The following DISP1 variants were observed in gnomAD, a reference collection of about 807,000 sequenced individuals.
DISP1 encodes dispatched RND transporter family member 1, also known as protein dispatched homolog 1.
DISP1 carries 30 observed loss-of-function variants against 37.3 expected under a neutral mutation model. The observed-to-expected ratio is 0.80, with a 90% CI of 0.60 to 1.09. The LOEUF (loss-of-function observed/expected upper bound fraction) is 1.09, where lower values mean the gene tolerates loss of function less well. Ranked by LOEUF, DISP1 falls within the 50% of genes least tolerant of loss-of-function variation. The pLI is 0.00. For synonymous variants in DISP1, 634 were observed against 690.2 expected (o/e 0.92, Z 1.28); for missense variants, 1,598 against 1,879.5 (o/e 0.85, Z 2.77).
At chr1:222,905,893 G>T (rs966406349) in intron 1 of DISP1, among the ~76,000 whole-genome samples, 41 of 152,166 alleles carry the variant, frequency 2.7e-4, no homozygotes, top group African/African-American at 8.4e-4. Context: ...TTACTCAAGA[G>T]TGCATAAAAT....
intron 3 of DISP1, among the ~76,000 whole-genome samples, chr1:222,950,508 G>A (rs1026129980): frequency 2.6e-5 from 4 of 152,060 alleles, no homozygotes; most frequent in African/African-American, 9.7e-5. Context: ...GCTGAGGCAG[G>A]AGAATGGCCT....
At chr1:222,874,274 A>T (rs1281331068) in intron 1 of DISP1, among the ~76,000 whole-genome samples, 4 of 151,928 alleles carry the variant, frequency 2.6e-5, no homozygotes, top group South Asian at 2.1e-4. Context: ...CTTCTCGAGG[A>T]GTATCTTTGT....
chr1:222,854,238 G>C (rs1247855576), intron 1 of DISP1, among the ~76,000 whole-genome samples: 1 of 152,180 alleles, frequency 6.6e-6, no homozygotes, highest in East Asian at 1.9e-4. Context: ...TCATGCTGCT[G>C]TCAAGAACTG....
chr1:222,871,053 T>C (rs541007036), intron 1 of DISP1, among the ~76,000 whole-genome samples: 11 of 152,310 alleles, frequency 7.2e-5, no homozygotes, highest in African/African-American at 2.6e-4. Flanking sequence ...AGGGAATCCT[T>C]TCCCCATTGC....
intron 3 of DISP1, among the ~76,000 whole-genome samples, chr1:222,956,383 T>A (rs1202443623): frequency 6.6e-6 from 1 of 152,222 alleles, no homozygotes; most frequent in Non-Finnish European, 1.5e-5. Context: ...TTTAGAAGTT[T>A]AGCAAGAAAT....
chr1:222,895,968 A>G (rs540148406), intron 1 of DISP1, among the ~76,000 whole-genome samples: 1 of 152,342 alleles, frequency 6.6e-6, no homozygotes, highest in East Asian at 1.9e-4. Context: ...ATTGGACTTT[A>G]TCGTAATTAC....
intron 8 of DISP1, among the ~76,000 whole-genome samples, chr1:223,001,004 T>G (rs1679405092): frequency 6.6e-6 from 1 of 152,222 alleles, no homozygotes; most frequent in Non-Finnish European, 1.5e-5. Flanking sequence ...CTGGTTCTCC[T>G]AAAGAGAAGT....
Position 222,983,169 on chromosome 1 carries a change from T to C in DISP1, c.539+60T>C, listed in dbSNP as rs74514088. ...ACTTACCTGCATGCTTTTTCCAGTCTAGTATTTTCTCCGTATTTTGCTGTT... is the reference window on the plus strand; with the variant it reads ...ACTTACCTGCATGCTTTTTCCAGTCCAGTATTTTCTCCGTATTTTGCTGTT... On this transcript the variant is annotated intron_variant, in intron 4 of 8. Transcript: ENST00000675850. The C allele has an allele frequency of 2.4e-3, 3,036 of 1,250,418 alleles. 60 individuals carry two copies. The African/African-American group carries it at 0.039, about 16-fold the overall frequency. The allele number at this position is 1,250,418 out of a possible 1,614,324, so 77.5% of individuals were successfully genotyped here. A position where few individuals can be genotyped will look rare whatever the true frequency, so the allele number is the denominator to read the frequency against.
At chr1:222,833,838 G>C (rs1184142461) in intron 1 of DISP1, among the ~76,000 whole-genome samples, 4 of 152,156 alleles carry the variant, frequency 2.6e-5, no homozygotes, top group Non-Finnish European at 4.4e-5. Context: ...CAAAATGTAG[G>C]TTTTCTTAAT....
At position 222,905,909 on chromosome 1, in the gene DISP1, C is replaced by T. The variant is rs566608730; in HGVS notation, c.-158-22521C>T. On this transcript the variant is annotated intron_variant, in intron 1 of 8. Transcript: ENST00000675850. ...TACTCAAGAGTGCATAAAATGTTAC[C>T]ATTAACTATGTATTGCTATAGTGCA... Among the ~76,000 whole-genome samples the T allele has an allele frequency of 2.0e-5, 3 of 152,214 alleles. No individual in the cohort carries two copies. The East Asian group carries it at 5.8e-4, about 29-fold the overall frequency.
chr1:222,970,416 A>T (rs1008129175), intron 3 of DISP1, among the ~76,000 whole-genome samples: 1 of 152,144 alleles, frequency 6.6e-6, no homozygotes, highest in Non-Finnish European at 1.5e-5. Context: ...TTTTCAAAGC[A>T]TTTTAAAATA....
intron 1 of DISP1, among the ~76,000 whole-genome samples, chr1:222,882,711 A>G (rs1390233582): frequency 6.6e-6 from 1 of 152,140 alleles, no homozygotes; most frequent in Non-Finnish European, 1.5e-5. Flanking sequence ...GGAATTTGAC[A>G]GAACAAAGAA....
intron 1 of DISP1, among the ~76,000 whole-genome samples, chr1:222,925,118 C>T (rs1334463169): frequency 6.6e-6 from 1 of 151,826 alleles, no homozygotes; most frequent in Non-Finnish European, 1.5e-5. Context: ...ATTATGTGTC[C>T]CATGTGACAA....
chr1:223,000,771 G>A (rs888532199), intron 8 of DISP1, among the ~76,000 whole-genome samples: 3 of 152,112 alleles, frequency 2.0e-5, no homozygotes, highest in African/African-American at 7.2e-5. Flanking sequence ...TCTTGGGTAA[G>A]TCCCAGTTCT....
intron 1 of DISP1, among the ~76,000 whole-genome samples, chr1:222,907,115 C>T (rs1370752711): frequency 2.0e-5 from 3 of 152,070 alleles, no homozygotes; most frequent in Admixed American, 6.5e-5. Context: ...AAAAGGAGAG[C>T]CTTCTAGCAG....
chr1:222,835,195 A>T (rs1388288107), intron 1 of DISP1: 1 of 152,216 alleles, frequency 6.6e-6, no homozygotes, highest in East Asian at 1.9e-4. Context: ...CCAAGCTGTC[A>T]GAAGCAGCTT....
intron 3 of DISP1, among the ~76,000 whole-genome samples, chr1:222,951,880 A>C (rs1361097998): frequency 6.6e-6 from 1 of 152,212 alleles, no homozygotes; most frequent in Non-Finnish European, 1.5e-5. Context: ...TAGCTGTTGT[A>C]TTCTCTGGAG....
At chr1:222,896,029 A>G (rs1311219691) in intron 1 of DISP1, among the ~76,000 whole-genome samples, 1 of 152,230 alleles carries the variant, frequency 6.6e-6, no homozygotes, top group African/African-American at 2.4e-5. Flanking sequence ...AAGCGAGGCT[A>G]CAAGGTGCAG....
intron 1 of DISP1, among the ~76,000 whole-genome samples, chr1:222,927,753 T>A (rs1673168273): frequency 6.6e-6 from 1 of 152,222 alleles, no homozygotes; most frequent in Non-Finnish European, 1.5e-5. Context: ...TTCGTAGTAT[T>A]TAAGAGACTT....
Sources: gnomAD v4.1 joint callset for allele counts (sites outside exome capture counted in the v4.1 genomes callset) on GRCh38, gnomAD v4.1.1 for gene constraint, MANE v1.5 for transcripts, NCBI Gene and HGNC (gene_info 2026-07-23, HGNC 2026-07-21) for gene names.